The following RAB3GAP2 variants were observed in gnomAD, a reference collection of about 807,000 sequenced individuals.
The protein encoded by RAB3GAP2 is rab3 GTPase-activating protein non-catalytic subunit.
In RAB3GAP2, 87 loss-of-function variants were observed where a neutral mutation model predicts 185.3. The observed-to-expected ratio is 0.47, with a 90% confidence interval of 0.39 to 0.56. The LOEUF is 0.56. Among genes scored for constraint, RAB3GAP2 ranks in the 20% least tolerant of loss-of-function variants. The probability of loss-of-function intolerance (pLI) is 0.00; values close to 1 mark genes in which losing one functional copy is unlikely to be tolerated. For synonymous variants in RAB3GAP2, 554 were observed against 576.1 expected (o/e 0.96, Z 0.55); for missense variants, 1,492 against 1,638.2 (o/e 0.91, Z 1.54).
rs1659995492 is a variant in RAB3GAP2, at chr1:220,254,369, T to C, written c.115+17854A>G. The C allele has an allele frequency of 5.0e-6, 8 of 1,613,160 alleles. No homozygotes were observed. In the Admixed American group the frequency reaches 8.3e-5, roughly 17 times the overall value. On this transcript the variant is annotated intron_variant, in intron 1 of 34. Transcript: ENST00000358951. ...GGAGCGCCACATCTCCTGAGATTAT[T>C]TGTACGAATTGGAGCAATGTTGGCC...
At chr1:220,197,149 A>G (rs1658744643) in intron 9 of RAB3GAP2, among the ~76,000 whole-genome samples, 1 of 151,794 alleles carries the variant, frequency 6.6e-6, no homozygotes, top group South Asian at 2.1e-4. Flanking sequence ...CACCATGCCC[A>G]GCTAATTTTT....
At chr1:220,213,746 G>C in intron 3 of RAB3GAP2, 110 bp downstream of exon 3, 1 of 1,001,674 alleles carries the variant, frequency 1.0e-6, no homozygotes, top group Non-Finnish European at 1.4e-6. Flanking sequence ...GGGGGGGGGA[G>C]AGAGAGAGAA....
At chr1:220,261,080 G>T (rs115731314) in intron 1 of RAB3GAP2, among the ~76,000 whole-genome samples, 5 of 152,044 alleles carry the variant, frequency 3.3e-5, no homozygotes, top group Non-Finnish European at 4.4e-5. Context: ...TAAAAAAAAG[G>T]GGGGGCAATG....
chr1:220,207,905 C>T (rs888113253), intron 7 of RAB3GAP2: 2 of 152,092 alleles, frequency 1.3e-5, no homozygotes. Flanking sequence ...TGCTGTCACC[C>T]GTACTACACT....
chr1:220,254,289 A>G (rs1558172236), intron 1 of RAB3GAP2: 1 of 1,613,456 alleles, frequency 6.2e-7, no homozygotes, highest in Non-Finnish European at 8.5e-7. Context: ...TTGAGAGACC[A>G]CAGTATGCCG....
rs1426178198 is a variant in RAB3GAP2, at chr1:220,272,261, C to G, written c.77G>C (p.Arg26Pro). 3.7e-6 allele frequency: 6 copies of G among 1,611,286 alleles called. No homozygotes were observed. The African/African-American group carries it at 4.0e-5, about 11-fold the overall frequency. ...CAAGGCGCCGCTGAGGATCTCCTCC[C>G]GCAGGTGAGGAAAGAGGAAGTCCCG... ...AARDFLFPHL[R>P]EEILSGALRR... Residue 26 changes from arginine to proline, a missense_variant, in exon 1 of 35, where the codon CGG becomes CCG. Coordinates refer to ENST00000358951, the MANE Select transcript of RAB3GAP2 (RefSeq NM_012414.4).
intron 1 of RAB3GAP2, among the ~76,000 whole-genome samples, chr1:220,250,374 A>G (rs1659909808): frequency 6.6e-6 from 1 of 152,226 alleles, no homozygotes; most frequent in African/African-American, 2.4e-5. Flanking sequence ...CCCATTTGGA[A>G]AAGGTGTATT....
At position 220,190,491 on chromosome 1, in the gene RAB3GAP2, C is replaced by A; in HGVS notation, c.1517G>T (p.Gly506Val). 1 of 1,605,362 alleles carries A rather than the reference C, an allele frequency of 6.2e-7. No homozygotes were observed. The highest frequency in any genetic ancestry group is 8.5e-7 in the Non-Finnish European group (1 of 1,172,100). Residue 506 changes from glycine (G) to valine (V), a missense_variant, in exon 15 of 35, where the codon GGT becomes GTT. Coordinates refer to ENST00000358951, the MANE Select transcript of RAB3GAP2 (RefSeq NM_012414.4). ...RLLYPGYKIMGLNNVTSQSWQ... is the reference protein window; with the variant it reads ...RLLYPGYKIMVLNNVTSQSWQ... ...ACTCTGACTGGTAACATTATTTAAACCCATTATTTTATAGCCAGGATACAG... is the reference window on the plus strand; with the variant it reads ...ACTCTGACTGGTAACATTATTTAAAACCATTATTTTATAGCCAGGATACAG...
intron 9 of RAB3GAP2, among the ~76,000 whole-genome samples, chr1:220,199,345 T>C (rs577950703): frequency 2.0e-5 from 3 of 152,298 alleles, no homozygotes; most frequent in South Asian, 2.1e-4. Flanking sequence ...TTATGCTCCT[T>C]GTTTGTGATT....
chr1:220,207,268 T>C (rs1043430789), intron 7 of RAB3GAP2, among the ~76,000 whole-genome samples: 1 of 152,206 alleles, frequency 6.6e-6, no homozygotes, highest in African/African-American at 2.4e-5. Flanking sequence ...ATATATTAAG[T>C]TGCCTCAAAG....
At chr1:220,265,680 C>G (rs1180081059) in intron 1 of RAB3GAP2, among the ~76,000 whole-genome samples, 1 of 152,062 alleles carries the variant, frequency 6.6e-6, no homozygotes. Context: ...AATTCTAGCA[C>G]TTTGAGAGTC....
At chr1:220,196,573 T>C (rs1331802010) in intron 9 of RAB3GAP2, among the ~76,000 whole-genome samples, 175 bp from the exon 10 acceptor site, 3 of 152,130 alleles carry the variant, frequency 2.0e-5, no homozygotes, top group Non-Finnish European at 4.4e-5. Context: ...GGCTCACTCC[T>C]ATAATCCCAG....
chr1:220,264,307 A>G (rs375247550), intron 1 of RAB3GAP2, among the ~76,000 whole-genome samples: 3 of 152,148 alleles, frequency 2.0e-5, no homozygotes, highest in East Asian at 1.9e-4. Context: ...TAAATATATC[A>G]TAAATCTTGA....
intron 7 of RAB3GAP2, among the ~76,000 whole-genome samples, chr1:220,207,375 C>T (rs1349563041): frequency 6.6e-6 from 1 of 152,092 alleles, no homozygotes; most frequent in Non-Finnish European, 1.5e-5. Context: ...TTTGCCAATC[C>T]AAAAGGTGAA....
chr1:220,253,056 G>A (rs770498342), intron 1 of RAB3GAP2, among the ~76,000 whole-genome samples: 20 of 152,122 alleles, frequency 1.3e-4, no homozygotes, highest in South Asian at 1.0e-3. Context: ...TTTGTGGTTC[G>A]GTAGACTCAG....
chr1:220,167,718 A>C (rs1429645550), intron 24 of RAB3GAP2, 43 bp from the exon 25 acceptor site: 3 of 1,590,792 alleles, frequency 1.9e-6, no homozygotes, highest in Non-Finnish European at 2.6e-6. Context: ...TTTACAACAC[A>C]CAGGGCAGTG....
chr1:220,172,853 G>T, intron 21 of RAB3GAP2, 111 bp from the exon 22 acceptor site: 1 of 725,674 alleles, frequency 1.4e-6, no homozygotes, highest in Non-Finnish European at 2.5e-6. Flanking sequence ...GCTTCTTGAG[G>T]TGAAAAAATT....
At chr1:220,269,975 C>T (rs1660305169) in intron 1 of RAB3GAP2, among the ~76,000 whole-genome samples, 1 of 152,182 alleles carries the variant, frequency 6.6e-6, no homozygotes, top group African/African-American at 2.4e-5. Context: ...CAGCCAAGCT[C>T]CTTGAAATAG....
In RAB3GAP2 at chr1:220,150,877, A is replaced by C. The variant is rs765864531; in HGVS notation, c.*374T>G. 10 of 250,488 alleles carry C rather than the reference A, an allele frequency of 4.0e-5. No homozygotes were observed. The highest frequency in any genetic ancestry group is 7.0e-5 in the Non-Finnish European group (9 of 129,366). The allele number at this position is 250,488 out of a possible 1,614,324, so 15.5% of individuals were successfully genotyped here. A position where few individuals can be genotyped will look rare whatever the true frequency, so the allele number is the denominator to read the frequency against. ...TGGGGACTGTACATGAACACATTTA[A>C]ATTGAATTACAACAACATTTTAGAT... On this transcript the variant is annotated 3_prime_UTR_variant, in exon 35 of 35. Coordinates refer to ENST00000358951, the MANE Select transcript of RAB3GAP2 (RefSeq NM_012414.4).
Sources: allele counts gnomAD v4.1 joint callset (sites outside exome capture counted in the v4.1 genomes callset), GRCh38; gene constraint gnomAD v4.1.1; transcripts MANE v1.5; gene names NCBI Gene and HGNC (gene_info 2026-07-23, HGNC 2026-07-21).